Variants in POU6F2 observed in about 807,000 individuals in gnomAD.
POU6F2 encodes POU domain, class 6, transcription factor 2.
POU6F2 carries 31 observed loss-of-function variants against 71.3 expected under a neutral mutation model. That is an observed-to-expected ratio of 0.43 (90% CI 0.33 to 0.59). POU6F2 has a LOEUF of 0.59. Among genes scored for constraint, POU6F2 ranks in the 20% least tolerant of loss-of-function variants. POU6F2 has a pLI of 0.04. For synonymous variants in POU6F2, 347 were observed against 355.7 expected (o/e 0.98, Z 0.27); for missense variants, 783 against 856.8 (o/e 0.91, Z 1.07).
intron 2 of POU6F2, among the ~76,000 whole-genome samples, chr7:39,179,530 C>T (rs1001184868): frequency 4.6e-5 from 7 of 151,898 alleles, no homozygotes; most frequent in African/African-American, 9.7e-5. Flanking sequence ...CGCGCACATG[C>T]GCGCACACAC....
At chr7:39,259,621 G>A (rs183299302) in intron 4 of POU6F2, among the ~76,000 whole-genome samples, 1 of 152,254 alleles carries the variant, frequency 6.6e-6, no homozygotes, top group East Asian at 1.9e-4. Flanking sequence ...GGGACACACA[G>A]GGAGCCTGGG....
intron 1 of POU6F2, among the ~76,000 whole-genome samples, chr7:38,991,321 AG>A (rs1788598023): frequency 6.6e-6 from 1 of 152,124 alleles, no homozygotes; most frequent in Non-Finnish European, 1.5e-5. Context: ...TTAATTTCTT[AG>A]TTTGTTTTCA....
intron 6 of POU6F2, among the ~76,000 whole-genome samples, chr7:39,418,955 G>GTA (rs545107588): frequency 1.3e-4 from 14 of 106,992 alleles, no homozygotes; most frequent in Middle Eastern, 4.4e-3. Context: ...ATGTATATAT[G>GTA]TATATATATG....
At chr7:39,432,999 C>T (rs888844007) in intron 6 of POU6F2, 78 bp from the exon 7 acceptor site, 1 of 1,446,804 alleles carries the variant, frequency 6.9e-7, no homozygotes, top group African/African-American at 1.4e-5. Flanking sequence ...CCTAGAGAGA[C>T]CAGGCACTGC....
intron 2 of POU6F2, among the ~76,000 whole-genome samples, chr7:39,169,018 C>T (rs919808138): frequency 2.0e-5 from 3 of 152,168 alleles, no homozygotes; most frequent in Non-Finnish European, 4.4e-5. Context: ...GGATGCCCTA[C>T]CTCAGTACAT....
Position 39,196,437 on chromosome 7 carries a change from C to T in POU6F2, c.278-7798C>T, listed in dbSNP as rs146109424. Among the ~76,000 whole-genome samples the T allele has an allele frequency of 2.7e-3, 414 of 152,262 alleles. 1 individual carries two copies. Among genetic ancestry groups the T allele is most frequent in the African/African-American group, 9.4e-3 (392 of 41,542 alleles). ...GAAAAAAAGCCATGTTTAAATTCCT[C>T]TGTAGATATAAGCATTCTTAAGAAT... is the stretch of plus-strand genomic sequence containing the variant. On this transcript the variant is annotated intron_variant, in intron 2 of 9. Coordinates refer to ENST00000518318, the MANE Select transcript of POU6F2 (RefSeq NM_001370959.1).
intron 2 of POU6F2, among the ~76,000 whole-genome samples, chr7:39,176,717 C>G (rs987175732): frequency 2.6e-5 from 4 of 152,174 alleles, no homozygotes; most frequent in African/African-American, 9.7e-5. Context: ...AACACATACC[C>G]CATATCTTGT....
intron 5 of POU6F2, among the ~76,000 whole-genome samples, chr7:39,353,951 T>C (rs1347929122): frequency 1.3e-5 from 2 of 152,192 alleles, no homozygotes; most frequent in Non-Finnish European, 2.9e-5. Flanking sequence ...CTGATGTAAT[T>C]TGCCACTCCA....
intron 6 of POU6F2, among the ~76,000 whole-genome samples, chr7:39,412,821 A>G (rs1468362378): frequency 5.0e-5 from 1 of 20,152 alleles, no homozygotes; most frequent in East Asian, 1.1e-3. Flanking sequence ...TTTTTTTTTG[A>G]GACGGAGTCT....
chr7:39,079,038 A>C lies in POU6F2; in HGVS notation c.106-6822A>C, dbSNP rs551825677. Among the ~76,000 whole-genome samples the C allele has an allele frequency of 3.9e-5, 6 of 152,290 alleles. No individual in the cohort carries two copies. In the East Asian group the frequency reaches 1.2e-3, roughly 29 times the overall value. Reference sequence around the variant, plus strand: ...TGCTCCAAACTGAGAGTGTGGAGAGAAAAGTAACTCCCAGTCAGTTAGATA... The same window carrying C: ...TGCTCCAAACTGAGAGTGTGGAGAGCAAAGTAACTCCCAGTCAGTTAGATA... On this transcript the variant is annotated intron_variant, in intron 1 of 9. Coordinates refer to ENST00000518318, the MANE Select transcript of POU6F2 (RefSeq NM_001370959.1).
chr7:38,981,302 G>A (rs184181250), intron 1 of POU6F2, among the ~76,000 whole-genome samples: 48 of 152,176 alleles, frequency 3.2e-4, no homozygotes, highest in Non-Finnish European at 3.2e-4. Flanking sequence ...GCTTGTGAGT[G>A]ACAGATTAGT....
intron 6 of POU6F2, among the ~76,000 whole-genome samples, chr7:39,417,720 T>C (rs1045618371): frequency 3.3e-5 from 5 of 152,190 alleles, no homozygotes; most frequent in African/African-American, 1.2e-4. Context: ...GTAACAGAGA[T>C]GGACAGTGCA....
chr7:39,363,836 C>T (rs1187782416), intron 5 of POU6F2, among the ~76,000 whole-genome samples: 5 of 152,014 alleles, frequency 3.3e-5, no homozygotes, highest in Non-Finnish European at 2.9e-5. Context: ...ACAAGAGCTT[C>T]AGTGGAGCGG....
At chr7:39,294,189 G>T (rs1353702587) in intron 4 of POU6F2, among the ~76,000 whole-genome samples, 1 of 151,556 alleles carries the variant, frequency 6.6e-6, no homozygotes, top group Non-Finnish European at 1.5e-5. Context: ...CTGAAACCAT[G>T]ATGGCAACAG....
intron 6 of POU6F2, 50 bp from the exon 7 acceptor site, chr7:39,433,027 G>A (rs748765268): frequency 6.3e-7 from 1 of 1,589,642 alleles, no homozygotes; most frequent in Non-Finnish European, 8.6e-7. Flanking sequence ...TCAGTTGCAT[G>A]CACAGACCCT....
Position 39,376,281 on chromosome 7 carries a change from A to C in POU6F2, c.973-30319A>C, listed in dbSNP as rs191680855. Reference sequence around the variant, plus strand: ...TATAGAATAGCGCTGTTGGATGCTCACTTAAGGACAGCAAAGGAGATTTGT... The same window carrying C: ...TATAGAATAGCGCTGTTGGATGCTCCCTTAAGGACAGCAAAGGAGATTTGT... On this transcript the variant is annotated intron_variant, in intron 5 of 9. Coordinates refer to ENST00000518318, the MANE Select transcript of POU6F2 (RefSeq NM_001370959.1). Among the ~76,000 whole-genome samples, 12 of 152,356 alleles carry C rather than the reference A, an allele frequency of 7.9e-5. No individual in the cohort carries two copies. The East Asian group carries it at 1.9e-3, about 24-fold the overall frequency.
chr7:39,063,812 A>C (rs1025423043), intron 1 of POU6F2, among the ~76,000 whole-genome samples: 1 of 152,208 alleles, frequency 6.6e-6, no homozygotes, highest in Non-Finnish European at 1.5e-5. Flanking sequence ...GCAGCAGATT[A>C]GTTTCAAAAC....
chr7:39,017,178 T>TATTAGGTA (rs1273748590), intron 1 of POU6F2, among the ~76,000 whole-genome samples: 3 of 152,222 alleles, frequency 2.0e-5, no homozygotes, highest in Non-Finnish European at 4.4e-5. Context: ...GATGCTGTAC[T>TATTAGGTA]CAATAAATAC....
At chr7:39,300,832 T>C (rs12701725) in intron 4 of POU6F2, among the ~76,000 whole-genome samples, 69,385 of 151,852 alleles carry the variant, frequency 0.46, 16,691 homozygotes, top group Admixed American at 0.59. Context: ...ATCCTATCTC[T>C]GAACACAGTC....
Sources: gnomAD v4.1 joint callset for allele counts (sites outside exome capture counted in the v4.1 genomes callset) on GRCh38, gnomAD v4.1.1 for gene constraint, MANE v1.5 for transcripts, NCBI Gene and HGNC (gene_info 2026-07-23, HGNC 2026-07-21) for gene names.